Variants in SCN2A observed in about 807,000 individuals in gnomAD.
The protein encoded by SCN2A is sodium channel protein type 2 subunit alpha.
A neutral mutation model predicts 188.7 loss-of-function variants in SCN2A; 20 were observed. The observed-to-expected ratio is 0.11, with a 90% CI of 0.07 to 0.15. The LOEUF is 0.15. Ranked by LOEUF, SCN2A falls within the 10% of genes least tolerant of loss-of-function variation. The pLI is 1.00. For missense variants in SCN2A, 1,278 were observed against 2,445.0 expected (o/e 0.52, Z 10.07); for synonymous variants, 804 against 833.1 (o/e 0.97, Z 0.60).
In SCN2A at chr2:165,354,645, G is replaced by A. The variant is rs1553584298; in HGVS notation, c.3373G>A (p.Glu1125Lys). 2 of 1,613,818 alleles carry A rather than the reference G, an allele frequency of 1.2e-6. No homozygotes were observed. The highest frequency in any genetic ancestry group is 1.7e-6 in the Non-Finnish European group (2 of 1,179,932). The change falls in exon 17 of 27, where the codon GAG becomes AAG. Residue 1125 changes from glutamate to lysine, a missense_variant. Glu to Lys is a moderately conservative substitution (Grantham distance 56). Transcript: ENST00000375437. The stretch of plus-strand genomic sequence containing the variant: ...TTTAAATACTGAAGAATTCAGCAGC[G>A]AGTCAGATATGGAGGAAAGCAAAGA... ...ENLNTEEFSS[E>K]SDMEESKEKL...
In SCN2A at chr2:165,373,245, T is replaced by G; in HGVS notation, c.3870T>G (p.Thr1290=). ...LIVDVSLVSL[T]ANALGYSELG... is the part of the protein sequence containing the mutation. ...TATAGGTCTCACTGGTTAGCTTAAC[T>G]GCAAATGCCTTGGGTTACTCAGAAC... is the stretch of plus-strand genomic sequence containing the variant. Residue 1290 remains threonine (T), a synonymous_variant, in exon 21 of 27, where the codon ACT becomes ACG. Coordinates refer to ENST00000375437, the MANE Select transcript of SCN2A (RefSeq NM_001040142.2). 1 of 1,613,468 alleles carries G rather than the reference T, an allele frequency of 6.2e-7. No homozygotes were observed. Among genetic ancestry groups the G allele is most frequent in the Non-Finnish European group, 8.5e-7 (1 of 1,179,486 alleles).
intron 1 of SCN2A, chr2:165,290,802 G>T: frequency 1.2e-5 from 12 of 984,478 alleles, no homozygotes; most frequent in Non-Finnish European, 1.4e-5. Context: ...ATCTTGCCTG[G>T]CCAGTATACA....
chr2:165,340,685 CAG>C (rs761352681), intron 14 of SCN2A, among the ~76,000 whole-genome samples: 2 of 152,056 alleles, frequency 1.3e-5, no homozygotes, highest in Non-Finnish European at 2.9e-5. Flanking sequence ...GGGGTCTAGA[CAG>C]AGAGAGTTCT....
chr2:165,359,342 G>A (rs891742587), intron 17 of SCN2A, among the ~76,000 whole-genome samples: 17 of 152,138 alleles, frequency 1.1e-4, no homozygotes, highest in African/African-American at 2.9e-4. Flanking sequence ...CTTGTTTCTC[G>A]GAAAGAGGCA....
At chr2:165,318,088 T>C (rs1252568653) in intron 11 of SCN2A, among the ~76,000 whole-genome samples, 2 of 152,174 alleles carry the variant, frequency 1.3e-5, no homozygotes, top group African/African-American at 4.8e-5. Flanking sequence ...ATCGTGTCTG[T>C]TAGATTTTTA....
chr2:165,278,014 T>C (rs1370476530), intron 1 of SCN2A, among the ~76,000 whole-genome samples: 1 of 152,144 alleles, frequency 6.6e-6, no homozygotes, highest in Non-Finnish European at 1.5e-5. Context: ...TTCTTAAGCT[T>C]GAAAAAGTGA....
intron 14 of SCN2A, among the ~76,000 whole-genome samples, chr2:165,334,870 T>TAC (rs143838903): frequency 0.027 from 4,077 of 148,496 alleles, 122 homozygotes; most frequent in African/African-American, 0.08. Flanking sequence ...TCCTATAAAA[T>TAC]ACACACACAC....
chr2:165,314,219 G>C, intron 10 of SCN2A, 111 bp downstream of exon 10: 4 of 1,104,922 alleles, frequency 3.6e-6, no homozygotes, highest in Non-Finnish European at 5.3e-6. Context: ...ATATGTGTTT[G>C]GTAAGTGCTA....
chr2:165,358,604 T>C (rs2105344796), intron 17 of SCN2A, among the ~76,000 whole-genome samples: 1 of 152,144 alleles, frequency 6.6e-6, no homozygotes, highest in Admixed American at 6.6e-5. Context: ...ATAATAATAA[T>C]AGTGATAATG....
intron 17 of SCN2A, among the ~76,000 whole-genome samples, chr2:165,355,539 G>C (rs1160686680): frequency 6.6e-6 from 1 of 152,066 alleles, no homozygotes; most frequent in Non-Finnish European, 1.5e-5. Flanking sequence ...ATTAAAGTTT[G>C]CACTAACTAA....
intron 1 of SCN2A, among the ~76,000 whole-genome samples, chr2:165,254,063 A>G (rs1255157257): frequency 1.3e-5 from 2 of 151,906 alleles, no homozygotes; most frequent in African/African-American, 2.4e-5. Context: ...TTACATTTAC[A>G]TCAATATCCT....
intron 1 of SCN2A, among the ~76,000 whole-genome samples, chr2:165,288,732 A>ATG (rs71977859): frequency 0.34 from 36,027 of 107,394 alleles, 4,401 homozygotes; most frequent in Admixed American, 0.41. Context: ...ATACATATAC[A>ATG]TGTGTGTGTG....
chr2:165,291,491 T>TTTCTTTTC lies in SCN2A; in HGVS notation c.-51-4280_-51-4279insCTTTTCTT, dbSNP rs1389976633. Reference sequence around the variant, plus strand: ...CTTTCTTTCTTTCTTTCTTTCTTTCTTTTCTTTCTTTCTTTCTTTCTTCCT... The same window carrying TTTCTTTTC: ...CTTTCTTTCTTTCTTTCTTTCTTTCTTTCTTTTCTTTCTTTCTTTCTTTCTTTCTTCCT... On this transcript the variant is annotated intron_variant, in intron 1 of 26. Coordinates refer to ENST00000375437, the MANE Select transcript of SCN2A (RefSeq NM_001040142.2). 2.5e-3 allele frequency among the ~76,000 whole-genome samples: 96 copies of TTTCTTTTC among 38,830 alleles called. 1 individual carries two copies. The highest frequency in any genetic ancestry group is 8.3e-3 in the African/African-American group (91 of 10,994). The allele number at this position is 38,830 out of a possible 152,430, so 25.5% of individuals were successfully genotyped here. A position where few individuals can be genotyped will look rare whatever the true frequency, so the allele number is the denominator to read the frequency against.
intron 23 of SCN2A, 96 bp downstream of exon 23, chr2:165,377,746 G>T: frequency 9.9e-7 from 1 of 1,007,518 alleles, no homozygotes; most frequent in Non-Finnish European, 1.5e-6. Flanking sequence ...AAAATTATGT[G>T]CTTAATTTAT....
chr2:165,325,757 G>A (rs1183907792), intron 12 of SCN2A, among the ~76,000 whole-genome samples: 2 of 151,364 alleles, frequency 1.3e-5, no homozygotes, highest in East Asian at 3.9e-4. Flanking sequence ...AATTTTACTT[G>A]TTTTTTTACC....
At chr2:165,294,223 G>C (rs1019394117) in intron 1 of SCN2A, 6 of 556,092 alleles carry the variant, frequency 1.1e-5, no homozygotes, top group Non-Finnish European at 1.4e-5. Flanking sequence ...ATCTGCAGAG[G>C]GACCACTTTC....
intron 17 of SCN2A, among the ~76,000 whole-genome samples, chr2:165,362,798 C>A (rs1479136252): frequency 6.6e-6 from 1 of 151,996 alleles, no homozygotes; most frequent in Non-Finnish European, 1.5e-5. Flanking sequence ...CATACATTAT[C>A]AAGGTTCAAG....
chr2:165,376,732 G>A (rs528164756), intron 22 of SCN2A, among the ~76,000 whole-genome samples: 137 of 152,086 alleles, frequency 9.0e-4, no homozygotes, highest in African/African-American at 2.9e-3. Flanking sequence ...GTCCACACGC[G>A]TGTGTGTAGA....
At chr2:165,309,268 A>C (rs768762425) in intron 5 of SCN2A, 84 bp from the exon 6 acceptor site, 2 of 1,613,476 alleles carry the variant, frequency 1.2e-6, no homozygotes, top group Non-Finnish European at 1.7e-6. Flanking sequence ...TAAGAAGAAA[A>C]TGGTATAAGG....
Sources: gnomAD v4.1 joint callset for allele counts (sites outside exome capture counted in the v4.1 genomes callset) on GRCh38, gnomAD v4.1.1 for gene constraint, MANE v1.5 for transcripts, NCBI Gene and HGNC (gene_info 2026-07-23, HGNC 2026-07-21) for gene names.